The following FBN1 variants were observed in gnomAD, a reference collection of about 807,000 sequenced individuals.
FBN1 encodes the protein fibrillin-1.
In FBN1, 29 loss-of-function variants were observed where a neutral mutation model predicts 365.1. The ratio of observed to expected loss-of-function variants is 0.08; its 90% CI spans 0.06 to 0.11. FBN1 has a LOEUF of 0.11. FBN1 is among the 10% of genes least tolerant of loss of function. The pLI, the probability that FBN1 is intolerant of heterozygous loss-of-function variation, is 1.00. For missense variants in FBN1, 2,476 were observed against 3,703.2 expected (o/e 0.67, Z 8.60); for synonymous variants, 1,210 against 1,270.5 (o/e 0.95, Z 1.01).
At chr15:48,499,756 TG>T (rs1286717819) in intron 17 of FBN1, among the ~76,000 whole-genome samples, 5 of 152,118 alleles carry the variant, frequency 3.3e-5, no homozygotes, top group African/African-American at 1.2e-4. Flanking sequence ...AACATAAGAG[TG>T]AATGATGAAA....
intron 4 of FBN1, among the ~76,000 whole-genome samples, chr15:48,603,563 T>C (rs1268910736): frequency 1.3e-5 from 2 of 152,238 alleles, no homozygotes; most frequent in Non-Finnish European, 2.9e-5. Context: ...CATTGATGCA[T>C]ATTCTAAATT....
intron 6 of FBN1, among the ~76,000 whole-genome samples, chr15:48,565,771 T>C (rs1243230793): frequency 2.6e-5 from 4 of 152,174 alleles, no homozygotes; most frequent in Non-Finnish European, 5.9e-5. Context: ...TTTTGAAGAA[T>C]GAGGGTACTA....
Position 48,488,177 on chromosome 15 carries a change from C to T in FBN1, c.3273G>A (p.Gly1091=). Reference sequence around the variant, plus strand: ...CTTCGTCACACTTGCATTCAAAGTCCCCAGGGGTGTTCACACACTGGCCTC... The same window carrying T: ...CTTCGTCACACTTGCATTCAAAGTCTCCAGGGGTGTTCACACACTGGCCTC... ...CGRGQCVNTP[G]DFECKCDEGY... is the part of the protein sequence containing the mutation. The change falls in exon 27 of 66, where the codon GGG becomes GGA. Residue 1091 remains glycine (G), a synonymous_variant. Transcript: ENST00000316623. 1.2e-6 allele frequency: 2 copies of T among 1,614,178 alleles called. No individual in the cohort carries two copies. The highest frequency in any genetic ancestry group is 1.7e-6 in the Non-Finnish European group (2 of 1,180,010).
intron 6 of FBN1, among the ~76,000 whole-genome samples, chr15:48,567,790 A>T (rs546138323): frequency 7.2e-5 from 11 of 152,180 alleles, no homozygotes; most frequent in African/African-American, 2.6e-4. Flanking sequence ...TCAACAAAAC[A>T]TAAACAGAAA....
At chr15:48,508,261 A>G (rs1566914770) in intron 15 of FBN1, among the ~76,000 whole-genome samples, 1 of 152,222 alleles carries the variant, frequency 6.6e-6, no homozygotes, top group Non-Finnish European at 1.5e-5. Flanking sequence ...TGGAAAGAAG[A>G]GGTAGAACTC....
intron 44 of FBN1, 61 bp downstream of exon 44, chr15:48,456,576 G>A: frequency 1.3e-6 from 2 of 1,561,728 alleles, no homozygotes; most frequent in Non-Finnish European, 1.8e-6. Flanking sequence ...CGCCAAGTGT[G>A]TATCAAGTAG....
intron 63 of FBN1, among the ~76,000 whole-genome samples, chr15:48,416,275 C>G (rs1479851486): frequency 6.6e-6 from 1 of 152,172 alleles, no homozygotes; most frequent in Non-Finnish European, 1.5e-5. Context: ...CCCTGTCAGC[C>G]TATTTCAGGA....
intron 10 of FBN1, among the ~76,000 whole-genome samples, chr15:48,517,987 T>C (rs2043818450): frequency 6.6e-6 from 1 of 152,232 alleles, no homozygotes; most frequent in South Asian, 2.1e-4. Context: ...GTTGGTACTT[T>C]CTGGTCCATT....
At chr15:48,443,179 T>C (rs899127270) in intron 49 of FBN1, among the ~76,000 whole-genome samples, 1 of 152,210 alleles carries the variant, frequency 6.6e-6, no homozygotes, top group Non-Finnish European at 1.5e-5. Flanking sequence ...TCCCTGTGGT[T>C]TATTAATGAA....
intron 36 of FBN1, 43 bp downstream of exon 36, chr15:48,470,591 C>T (rs772438692): frequency 1.2e-5 from 20 of 1,612,474 alleles, no homozygotes; most frequent in East Asian, 4.5e-5. Flanking sequence ...CTGGGTCCCC[C>T]GGGACACCAG....
At chr15:48,428,533 G>A in intron 56 of FBN1, 62 bp from the exon 57 acceptor site, 2 of 1,592,582 alleles carry the variant, frequency 1.3e-6, no homozygotes, top group Admixed American at 3.3e-5. Flanking sequence ...TATAGAGGAT[G>A]GAGCTCCTTC....
intron 59 of FBN1, 109 bp downstream of exon 59, chr15:48,425,630 G>A (rs531392297): frequency 1.3e-6 from 2 of 1,535,800 alleles, no homozygotes; most frequent in African/African-American, 2.7e-5. Flanking sequence ...ATTGTCCTGT[G>A]CTTTCCTATG....
rs2043287561 is a variant in FBN1 at position 48,462,592 on chromosome 15, G to C, written c.5224+490C>G. ...GTGTAGAATTCCCGGCTTGAATTTT[G>C]TGTATTAGTCCTGCTCCTGGCTCTT... is the stretch of plus-strand genomic sequence containing the variant. On this transcript the variant is annotated intron_variant, in intron 42 of 65. Transcript: ENST00000316623. Among the ~76,000 whole-genome samples the C allele has an allele frequency of 2.0e-5, 3 of 152,178 alleles. No homozygotes were observed. The South Asian group carries it at 6.2e-4, about 32-fold the overall frequency.
intron 2 of FBN1, among the ~76,000 whole-genome samples, chr15:48,637,756 AAAC>A (rs1322373458): frequency 1.3e-5 from 2 of 152,222 alleles, no homozygotes; most frequent in Non-Finnish European, 2.9e-5. Flanking sequence ...GAGATAAATA[AAAC>A]AAGCAAGATC....
chr15:48,600,032 T>A, intron 5 of FBN1, 107 bp downstream of exon 5: 2 of 830,618 alleles, frequency 2.4e-6, no homozygotes, highest in Non-Finnish European at 4.1e-6. Context: ...CTTGTAAACA[T>A]GCTGTGTCCC....
intron 17 of FBN1, among the ~76,000 whole-genome samples, chr15:48,501,194 C>A (rs2043653020): frequency 6.6e-6 from 1 of 152,118 alleles, no homozygotes; most frequent in Admixed American, 6.5e-5. Context: ...AAACTTCATC[C>A]CCAATTCAAT....
At chr15:48,523,706 TGGC>T (rs2043880669) in intron 9 of FBN1, among the ~76,000 whole-genome samples, 51 of 60,770 alleles carry the variant, frequency 8.4e-4, no homozygotes, top group African/African-American at 5.9e-3. Context: ...ACACCAAGGG[TGGC>T]TGGGGGGGGG....
Position 48,412,694 on chromosome 15 carries a change from C to T in FBN1, c.8101G>A (p.Val2701Ile), listed in dbSNP as rs753925682. ...GMGRGNPEPP[V>I]SGEMDDNSLS... ...GAATTGTCATCCATTTCACCACTGA[C>T]AGGTGGCTCTGGGTTTCCTCGGCCC... The change falls in exon 65 of 66, where the codon GTC becomes ATC. Residue 2701 changes from valine (V) to isoleucine (I), a missense_variant. Val to Ile is a conservative substitution (Grantham distance 29, BLOSUM62 3). This residue lies in a region of FBN1 where 1,780 missense variants were observed against 2,840.8 expected (regional missense o/e 0.63). Transcript: ENST00000316623. 1.2e-6 allele frequency: 2 copies of T among 1,614,252 alleles called. No individual in the cohort carries two copies. Among genetic ancestry groups the T allele is most frequent in the Admixed American group, 3.3e-5 (2 of 60,030 alleles).
chr15:48,560,646 C>T (rs886203898), intron 6 of FBN1, among the ~76,000 whole-genome samples: 1 of 152,166 alleles, frequency 6.6e-6, no homozygotes, highest in Non-Finnish European at 1.5e-5. Flanking sequence ...CGTATGAGCA[C>T]ATTTTGATAC....
Sources: gnomAD v4.1 joint callset for allele counts (sites outside exome capture counted in the v4.1 genomes callset) on GRCh38, gnomAD v4.1.1 for gene constraint, gnomAD v4.1.1 regional missense constraint, MANE v1.5 for transcripts, NCBI Gene and HGNC (gene_info 2026-07-23, HGNC 2026-07-21) for gene names.